The following SLC44A5 variants were observed in gnomAD, a reference collection of about 807,000 sequenced individuals.
The protein encoded by SLC44A5 is choline transporter-like protein 5.
SLC44A5 carries 57 observed loss-of-function variants against 101.8 expected under a neutral mutation model. That is an observed-to-expected ratio of 0.56 (90% CI 0.45 to 0.70). The LOEUF is 0.70. Ranked by LOEUF, SLC44A5 falls within the 30% of genes least tolerant of loss-of-function variation. The pLI is 0.00. For missense variants in SLC44A5, 737 were observed against 853.1 expected (o/e 0.86, Z 1.70); for synonymous variants, 281 against 290.9 (o/e 0.97, Z 0.35).
intron 1 of SLC44A5, among the ~76,000 whole-genome samples, chr1:75,566,473 G>C (rs1672790069): frequency 6.6e-6 from 1 of 152,168 alleles, no homozygotes; most frequent in African/African-American, 2.4e-5. Flanking sequence ...CAGGCCCAAA[G>C]CTTCAGTACC....
chr1:75,369,509 C>T (rs1032042664), intron 3 of SLC44A5, among the ~76,000 whole-genome samples: 4 of 151,832 alleles, frequency 2.6e-5, no homozygotes, highest in Non-Finnish European at 5.9e-5. Flanking sequence ...AGATGATAGC[C>T]GTGATTCATG....
chr1:75,576,545 C>T (rs888357102), intron 1 of SLC44A5, among the ~76,000 whole-genome samples: 1 of 152,190 alleles, frequency 6.6e-6, no homozygotes, highest in Middle Eastern at 3.4e-3. Flanking sequence ...GTCTCGATCT[C>T]CTGACCTCGT....
chr1:75,604,914 T>C (rs1675232487), intron 1 of SLC44A5, among the ~76,000 whole-genome samples: 1 of 152,088 alleles, frequency 6.6e-6, no homozygotes, highest in African/African-American at 2.4e-5. Context: ...CAAAAGTCTT[T>C]GGCAGTCTTT....
chr1:75,620,153 G>A, the SLC44A5 span, among the ~76,000 whole-genome samples: 1 of 152,074 alleles, frequency 6.6e-6, no homozygotes, highest in African/African-American at 2.4e-5. Context: ...CCCTCCAAAG[G>A]ATATGAACTC....
intron 1 of SLC44A5, among the ~76,000 whole-genome samples, chr1:75,580,281 C>T (rs1247767857): frequency 6.6e-6 from 1 of 152,026 alleles, no homozygotes; most frequent in Non-Finnish European, 1.5e-5. Context: ...GATTTACGAA[C>T]TTAGCCAAGC....
At chr1:75,551,592 G>A (rs993750931) in intron 1 of SLC44A5, among the ~76,000 whole-genome samples, 11 of 151,930 alleles carry the variant, frequency 7.2e-5, no homozygotes, top group African/African-American at 2.7e-4. Context: ...TGTAAGTTTG[G>A]TCAGAAGGGA....
intron 5 of SLC44A5, among the ~76,000 whole-genome samples, chr1:75,286,710 T>A (rs1049148077): frequency 2.6e-5 from 4 of 152,126 alleles, no homozygotes; most frequent in African/African-American, 9.7e-5. Flanking sequence ...TGAAAAAGCT[T>A]GTATCTTTTT....
intron 1 of SLC44A5, among the ~76,000 whole-genome samples, chr1:75,607,161 C>G (rs1272290382): frequency 6.6e-6 from 1 of 152,020 alleles, no homozygotes; most frequent in Non-Finnish European, 1.5e-5. Context: ...ACTTCTGATC[C>G]TTCCCCATAA....
At chr1:75,559,714 G>A (rs975436979) in intron 1 of SLC44A5, among the ~76,000 whole-genome samples, 6 of 152,056 alleles carry the variant, frequency 3.9e-5, no homozygotes. Context: ...TTTAAATTTT[G>A]TGCTCCAAAT....
chr1:75,371,524 T>C (rs1337081098), intron 3 of SLC44A5, among the ~76,000 whole-genome samples: 3 of 152,102 alleles, frequency 2.0e-5, no homozygotes, highest in African/African-American at 4.8e-5. Flanking sequence ...ATTCAGCCTT[T>C]CCTGATTATC....
At chr1:75,639,905 G>A in the SLC44A5 span, among the ~76,000 whole-genome samples, 1 of 151,932 alleles carries the variant, frequency 6.6e-6, no homozygotes, top group Admixed American at 6.6e-5. Flanking sequence ...TTGAGGAATT[G>A]CCCTTGTCAC....
rs370042716 is a variant in SLC44A5, at chr1:75,467,021, A to C, written c.14-70400T>G. On this transcript the variant is annotated intron_variant, in intron 2 of 23. Coordinates refer to ENST00000370859, the MANE Select transcript of SLC44A5 (RefSeq NM_001130058.2). ...CAAAATCAACGTACGAAAATCGGTA[A>C]CATTTCTATATGCCAATAATAAACA... 2.6e-4 allele frequency among the ~76,000 whole-genome samples: 40 copies of C among 152,334 alleles called. No individual in the cohort carries two copies. In the South Asian group the frequency reaches 8.1e-3, roughly 31 times the overall value.
At chr1:75,668,933 T>G in the SLC44A5 span, among the ~76,000 whole-genome samples, 5 of 151,328 alleles carry the variant, frequency 3.3e-5, no homozygotes, top group Non-Finnish European at 7.4e-5. Context: ...AGGTGGAGGT[T>G]GCAGTGAGCC....
chr1:75,638,175 A>G, the SLC44A5 span, among the ~76,000 whole-genome samples: 1 of 152,062 alleles, frequency 6.6e-6, no homozygotes, highest in Non-Finnish European at 1.5e-5. Flanking sequence ...ATAATATGAC[A>G]TCATTTATTG....
At chr1:75,426,514 G>A (rs754954303) in intron 2 of SLC44A5, among the ~76,000 whole-genome samples, 4 of 152,142 alleles carry the variant, frequency 2.6e-5, no homozygotes, top group South Asian at 2.1e-4. Flanking sequence ...ATGGTTTCCC[G>A]ACTAATCACA....
the SLC44A5 span, among the ~76,000 whole-genome samples, chr1:75,659,087 G>A: frequency 6.6e-6 from 1 of 151,850 alleles, no homozygotes; most frequent in African/African-American, 2.4e-5. Context: ...AGATATAAAA[G>A]ATCTGAACAG....
At chr1:75,446,084 G>A (rs2587031) in intron 2 of SLC44A5, among the ~76,000 whole-genome samples, 90,142 of 151,940 alleles carry the variant, frequency 0.59, 27,597 homozygotes, top group East Asian at 0.96. Flanking sequence ...TCTCAACATC[G>A]TTGCAGTAGT....
chr1:75,625,200 C>T, the SLC44A5 span, among the ~76,000 whole-genome samples: 878 of 152,208 alleles, frequency 5.8e-3, 9 homozygotes, highest in African/African-American at 0.02. Flanking sequence ...CTCCTCCATG[C>T]CTTCTACATT....
intron 3 of SLC44A5, 126 bp from the exon 4 acceptor site, chr1:75,339,756 G>T (rs377139332): frequency 4.2e-6 from 3 of 720,048 alleles, no homozygotes; most frequent in African/African-American, 3.7e-5. Flanking sequence ...TCATACTTTG[G>T]TTTGATGAAA....
Sources: gnomAD v4.1 joint callset for allele counts (sites outside exome capture counted in the v4.1 genomes callset) on GRCh38, gnomAD v4.1.1 for gene constraint, MANE v1.5 for transcripts, NCBI Gene and HGNC (gene_info 2026-07-23, HGNC 2026-07-21) for gene names.